Variants in COL14A1 observed in about 807,000 individuals in gnomAD.
COL14A1 encodes the protein collagen alpha-1(XIV) chain.
COL14A1 carries 136 observed loss-of-function variants against 230.3 expected under a neutral mutation model. That is an observed-to-expected ratio of 0.59 (90% CI 0.51 to 0.68). COL14A1 has a LOEUF of 0.68. COL14A1 is among the 30% of genes least tolerant of loss of function. The pLI is 0.00. For missense variants in COL14A1, 1,976 were observed against 2,215.8 expected (o/e 0.89, Z 2.17); for synonymous variants, 792 against 784.1 (o/e 1.01, Z -0.17).
intron 40 of COL14A1, among the ~76,000 whole-genome samples, chr8:120,323,191 T>A (rs1251538911): frequency 1.3e-5 from 2 of 152,226 alleles, no homozygotes; most frequent in African/African-American, 4.8e-5. Context: ...TTTTTTCATA[T>A]GTTTGTTGGC....
intron 5 of COL14A1, among the ~76,000 whole-genome samples, chr8:120,193,831 G>T (rs1816926264): frequency 6.6e-6 from 1 of 152,174 alleles, no homozygotes; most frequent in Non-Finnish European, 1.5e-5. Context: ...GCGAGACTCT[G>T]TGGGCGTAGG....
chr8:120,291,492 G>A (rs552558515), intron 34 of COL14A1, among the ~76,000 whole-genome samples: 21 of 145,930 alleles, frequency 1.4e-4, no homozygotes, highest in Admixed American at 9.1e-4. Context: ...CCCAGGAGGC[G>A]GATGTTACAG....
intron 45 of COL14A1, among the ~76,000 whole-genome samples, chr8:120,354,244 G>A (rs1193554574): frequency 9.9e-6 from 1 of 101,506 alleles, no homozygotes; most frequent in Non-Finnish European, 1.9e-5. Context: ...ACTGTTGTGG[G>A]GTGGGGGGAG....
chr8:120,305,622 G>C (rs1820834872), intron 36 of COL14A1, among the ~76,000 whole-genome samples: 1 of 151,932 alleles, frequency 6.6e-6, no homozygotes. Context: ...AGTCCATTCT[G>C]TTGGTTGTAA....
rs186279613 is a variant in COL14A1 at position 120,325,857 on chromosome 8, G to A, written c.4660-6284G>A. Among the ~76,000 whole-genome samples the A allele has an allele frequency of 4.2e-3, 642 of 152,250 alleles. 3 individuals are homozygous for A. The highest frequency in any genetic ancestry group is 5.5e-3 in the Non-Finnish European group (371 of 68,020). ...ACACATCTTAGATTAGCTCCTTGGT[G>A]TAAAATGGAAAATTTATAGATATAG... On this transcript the variant is annotated intron_variant, in intron 40 of 47. Coordinates refer to ENST00000297848, the MANE Select transcript of COL14A1 (RefSeq NM_021110.4).
chr8:120,218,163 A>T, intron 14 of COL14A1, among the ~76,000 whole-genome samples: 2 of 137,020 alleles, frequency 1.5e-5, no homozygotes, highest in Admixed American at 1.5e-4. Flanking sequence ...AAATATATAA[A>T]TATAAATATA....
In COL14A1 at chr8:120,250,701, A is replaced by G; in HGVS notation, c.2687A>G (p.Asn896Ser). The G allele has an allele frequency of 6.2e-7, 1 of 1,614,188 alleles. No individual in the cohort carries two copies. Among genetic ancestry groups the G allele is most frequent in the South Asian group, 1.1e-5 (1 of 91,074 alleles). ...AACCTCCTCAGCGGAATGGACTACA[A>G]TGTGAAGATATTTGCCTCCCAGGCC... The part of the protein sequence containing the change: ...ITNLLSGMDY[N>S]VKIFASQASG... Residue 896 changes from asparagine (N) to serine (S), a missense_variant, in exon 22 of 48, where the codon AAT becomes AGT. Transcript: ENST00000297848.
In COL14A1 at chr8:120,208,291, A is replaced by G. The variant is rs1419019812; in HGVS notation, c.1251A>G (p.Glu417=). The G allele has an allele frequency of 1.2e-6, 2 of 1,613,656 alleles. No individual in the cohort carries two copies. The highest frequency in any genetic ancestry group is 1.1e-5 in the South Asian group (1 of 91,044). ...TVLKNLMSLT[E]YQIAVFAIYA... is the part of the protein sequence containing the mutation. ...TGAAAAACTTGATGTCTTTAACTGA[A>G]TATCAGATAGCAGTCTTTGCAATCT... is the stretch of plus-strand genomic sequence containing the variant. The change falls in exon 11 of 48, where the codon GAA becomes GAG. Residue 417 remains glutamate, a synonymous_variant. Coordinates refer to ENST00000297848, the MANE Select transcript of COL14A1 (RefSeq NM_021110.4).
intron 42 of COL14A1, among the ~76,000 whole-genome samples, chr8:120,337,098 G>GA (rs1291882159): frequency 6.6e-6 from 1 of 152,012 alleles, no homozygotes; most frequent in Non-Finnish European, 1.5e-5. Context: ...TTTATTAAAA[G>GA]AAAAAAAGAA....
rs73321631 is a variant in COL14A1, at chr8:120,164,112, A to G, written c.349+1543A>G. Among the ~76,000 whole-genome samples the G allele has an allele frequency of 6.2e-3, 946 of 152,330 alleles. 13 individuals carry two copies. Among genetic ancestry groups the G allele is most frequent in the African/African-American group, 0.021 (866 of 41,568 alleles). ...ACTCTTTTAAAAAACCCAATTTATT[A>G]TTAAGGACAATTTAAAGCATAATAA... On this transcript the variant is annotated intron_variant, in intron 4 of 47. Coordinates refer to ENST00000297848, the MANE Select transcript of COL14A1 (RefSeq NM_021110.4).
At chr8:120,228,453 G>A (rs538517407) in intron 17 of COL14A1, among the ~76,000 whole-genome samples, 1 of 152,300 alleles carries the variant, frequency 6.6e-6, no homozygotes, top group African/African-American at 2.4e-5. Context: ...TTCTGTAGAT[G>A]TAGTTCAAAT....
At chr8:120,162,344 T>C in intron 3 of COL14A1, 82 bp from the exon 4 acceptor site, 2 of 1,188,572 alleles carry the variant, frequency 1.7e-6, no homozygotes, top group Non-Finnish European at 2.3e-6. Context: ...TTTAACACCA[T>C]AATTGCTAAC....
intron 47 of COL14A1, chr8:120,370,854 T>G: frequency 7.5e-7 from 1 of 1,340,048 alleles, no homozygotes; most frequent in Non-Finnish European, 9.8e-7. Context: ...AAAAAATTTC[T>G]ATTTCTTTTA....
At chr8:120,194,660 C>A (rs904298503) in intron 5 of COL14A1, among the ~76,000 whole-genome samples, 2 of 152,100 alleles carry the variant, frequency 1.3e-5, no homozygotes, top group African/African-American at 4.8e-5. Context: ...ATACCAATTT[C>A]ATTACCTCTC....
intron 5 of COL14A1, among the ~76,000 whole-genome samples, chr8:120,175,890 T>C (rs530285987): frequency 6.6e-6 from 1 of 152,294 alleles, no homozygotes; most frequent in South Asian, 2.1e-4. Flanking sequence ...TAGGCTGTAC[T>C]CATAAAAAAA....
intron 45 of COL14A1, among the ~76,000 whole-genome samples, chr8:120,355,597 G>A (rs1197313731): frequency 6.6e-6 from 1 of 151,898 alleles, no homozygotes; most frequent in African/African-American, 2.4e-5. Flanking sequence ...ATTTTTAGTA[G>A]AGACGGGGTT....
At chr8:120,332,017 A>T in intron 40 of COL14A1, 124 bp from the exon 41 acceptor site, 1 of 786,114 alleles carries the variant, frequency 1.3e-6, no homozygotes. Context: ...AAGGCAGTGA[A>T]TCCTTGGTAG....
rs868815845 is a variant in COL14A1 at position 120,197,072 on chromosome 8, A to T, written c.592+126A>T. On this transcript the variant is annotated intron_variant, in intron 6 of 47. Coordinates refer to ENST00000297848, the MANE Select transcript of COL14A1 (RefSeq NM_021110.4). ...GATTGCAGGATACTCATGGTCCCCT[A>T]AAGTACATGTTTGGATCAATAAATA... 1.8e-5 allele frequency: 15 copies of T among 827,110 alleles called. No homozygotes were observed. The Middle Eastern group carries it at 3.2e-3, about 175-fold the overall frequency. 51.2% of individuals were successfully genotyped at this position (827,110 alleles called of 1,614,324 possible). A position where few individuals can be genotyped will look rare whatever the true frequency, so the allele number is the denominator to read the frequency against.
chr8:120,227,433 T>C (rs1818133291), intron 17 of COL14A1, 81 bp downstream of exon 17: 2 of 1,550,110 alleles, frequency 1.3e-6, no homozygotes, highest in Admixed American at 3.6e-5. Flanking sequence ...CCCCATCTGC[T>C]TTATCTTTGG....
Sources: allele counts gnomAD v4.1 joint callset (sites outside exome capture counted in the v4.1 genomes callset), GRCh38; gene constraint gnomAD v4.1.1; transcripts MANE v1.5; gene names NCBI Gene and HGNC (gene_info 2026-07-23, HGNC 2026-07-21).